The following XPO1 variants were observed in gnomAD, a reference collection of about 807,000 sequenced individuals.
XPO1 encodes exportin 1, also known as exportin-1.
A neutral mutation model predicts 133.3 loss-of-function variants in XPO1; 5 were observed. That is an observed-to-expected ratio of 0.04 (90% CI 0.02 to 0.08). The LOEUF (loss-of-function observed/expected upper bound fraction) is 0.08. Ranked by LOEUF, XPO1 falls within the 10% of genes least tolerant of loss-of-function variation. The pLI is 1.00. For missense variants in XPO1, 506 were observed against 1,267.5 expected (o/e 0.40, Z 9.12); for synonymous variants, 419 against 408.2 (o/e 1.03, Z -0.32).
intron 2 of XPO1, among the ~76,000 whole-genome samples, chr2:61,532,123 T>C (rs1244896260): frequency 6.6e-6 from 1 of 151,814 alleles, no homozygotes; most frequent in Non-Finnish European, 1.5e-5. Flanking sequence ...TTTATTTTAT[T>C]TTATTTATTT....
At chr2:61,485,183 T>A (rs1362180518) in intron 20 of XPO1, 1 of 152,038 alleles carries the variant, frequency 6.6e-6, no homozygotes, top group Non-Finnish European at 1.5e-5. Context: ...GCCAGCCTAT[T>A]TTCTCTTGTT....
rs140414949 is a variant in XPO1, at chr2:61,490,970, C to T, written c.1888-194G>A. Among the ~76,000 whole-genome samples the T allele has an allele frequency of 3.9e-3, 595 of 152,260 alleles. 5 individuals carry two copies. Among genetic ancestry groups the T allele is most frequent in the African/African-American group, 0.014 (564 of 41,546 alleles). ...AGGAGTTGCAGACCAGCCTGACCAA[C>T]GTGGTGAAACCCCATCTCTTCTACA... is the stretch of plus-strand genomic sequence containing the variant. On this transcript the variant is annotated intron_variant, in intron 16 of 24. Transcript: ENST00000401558.
intron 2 of XPO1, among the ~76,000 whole-genome samples, chr2:61,527,812 G>A (rs1013786487): frequency 6.6e-6 from 1 of 151,776 alleles, no homozygotes; most frequent in Non-Finnish European, 1.5e-5. Context: ...ACTAATCTAC[G>A]TAGTCATCAT....
In XPO1 at chr2:61,492,291, A is replaced by G; in HGVS notation, c.1723+34T>C. The G allele has an allele frequency of 1.3e-6, 2 of 1,582,094 alleles. No homozygotes were observed. The highest frequency in any genetic ancestry group is 2.3e-5 in the South Asian group (2 of 85,252). On this transcript the variant is annotated intron_variant, in intron 15 of 24. Coordinates refer to ENST00000401558, the MANE Select transcript of XPO1 (RefSeq NM_003400.4). This position sits in a 1 kb window ranked among gnomAD's most constrained non-coding sequence, Gnocchi z 5.6. ...CATTCATTTATTTTCTTCAATAAAA[A>G]TAAAAGCAAAATATAGTAAAGAAAG...
intron 20 of XPO1, 149 bp downstream of exon 20, chr2:61,485,619 A>C: frequency 2.6e-6 from 2 of 764,208 alleles, no homozygotes; most frequent in Non-Finnish European, 4.0e-6. Context: ...AGTTCTTGAA[A>C]ACCAAGAAAG....
At position 61,482,442 on chromosome 2, in the gene XPO1, G is replaced by A. The variant is rs778698128; in HGVS notation, c.2910C>T (p.Asn970=). Residue 970 remains asparagine, a synonymous_variant, in exon 23 of 25, where the codon AAC becomes AAT. Coordinates refer to ENST00000401558, the MANE Select transcript of XPO1 (RefSeq NM_003400.4). ...TSLNPGNPVN[N]QIFLQEYVAN... ...CCACATATTCCTGAAGAAAGATTTG[G>A]TTGTTAACTGGATTTCCAGGATTTA... 26 of 1,613,344 alleles carry A rather than the reference G, an allele frequency of 1.6e-5. No individual in the cohort carries two copies. The highest frequency in any genetic ancestry group is 2.1e-5 in the Non-Finnish European group (25 of 1,179,802).
intron 24 of XPO1, among the ~76,000 whole-genome samples, chr2:61,479,441 A>G (rs1696222421): frequency 7.2e-6 from 1 of 139,052 alleles, no homozygotes; most frequent in Middle Eastern, 3.7e-3. Flanking sequence ...GATAAAAGCG[A>G]GACTGTGCCC....
intron 4 of XPO1, among the ~76,000 whole-genome samples, chr2:61,510,669 A>C (rs1698045026): frequency 6.6e-6 from 1 of 152,128 alleles, no homozygotes; most frequent in African/African-American, 2.4e-5. Flanking sequence ...CGAGCACAGT[A>C]GCTCTTGACT....
At chr2:61,515,757 C>T (rs1230136216) in intron 4 of XPO1, among the ~76,000 whole-genome samples, 1 of 151,916 alleles carries the variant, frequency 6.6e-6, no homozygotes. Context: ...TGAAACTGTA[C>T]AACTCAGAAA....
intron 2 of XPO1, among the ~76,000 whole-genome samples, chr2:61,527,321 CAA>C (rs35556629): frequency 3.2e-5 from 3 of 92,630 alleles, no homozygotes; most frequent in African/African-American, 4.7e-5. Flanking sequence ...CATGACTCTC[CAA>C]AAAAAAAAAA....
intron 1 of XPO1, chr2:61,536,434 T>G (rs1156964929): frequency 6.6e-6 from 1 of 152,194 alleles, no homozygotes; most frequent in Non-Finnish European, 1.5e-5. Context: ...TAACATACAC[T>G]AGGGATTATC....
intron 4 of XPO1, among the ~76,000 whole-genome samples, chr2:61,516,389 G>A (rs1344797888): frequency 6.6e-6 from 1 of 151,240 alleles, no homozygotes; most frequent in African/African-American, 2.4e-5. Flanking sequence ...TCATAAATTC[G>A]CTTCTTCTCT....
chr2:61,506,042 T>G (rs1386618692), intron 4 of XPO1, among the ~76,000 whole-genome samples: 1 of 152,214 alleles, frequency 6.6e-6, no homozygotes, highest in Non-Finnish European at 1.5e-5. Context: ...AAGGATTATT[T>G]GATCAAGTAC....
At chr2:61,487,968 G>A (rs193031866) in intron 19 of XPO1, among the ~76,000 whole-genome samples, 197 bp downstream of exon 19, 2 of 152,236 alleles carry the variant, frequency 1.3e-5, no homozygotes, top group East Asian at 3.9e-4. Context: ...CTTCGCTACT[G>A]ATTAACAGCA....
intron 4 of XPO1, among the ~76,000 whole-genome samples, chr2:61,506,090 CAAATAAAT>C (rs565621930): frequency 2.0e-5 from 3 of 151,772 alleles, no homozygotes; most frequent in African/African-American, 4.8e-5. Flanking sequence ...CAAGGCTTGC[CAAATAAAT>C]AAATAAATAA....
chr2:61,490,361 G>C (rs1350973371), intron 17 of XPO1, among the ~76,000 whole-genome samples: 1 of 151,988 alleles, frequency 6.6e-6, no homozygotes, highest in Non-Finnish European at 1.5e-5. Context: ...ACCACGCCCA[G>C]CTAATTTTTG....
At chr2:61,516,461 C>T (rs1472288713) in intron 4 of XPO1, among the ~76,000 whole-genome samples, 1 of 152,054 alleles carries the variant, frequency 6.6e-6, no homozygotes, top group Non-Finnish European at 1.5e-5. Context: ...GGTGCCCAGG[C>T]CGTAGTGCAA....
Position 61,479,000 on chromosome 2 carries a change from TA to T in XPO1, c.3070-35del, listed in dbSNP as rs1389086407. ...ACAGATAGTTGAAATGTCAACGCAA[TA>T]AACTTCAACTTGCAAAGAAAGAAAT... On this transcript the variant is annotated intron_variant, in intron 24 of 24. Transcript: ENST00000401558. The T allele has an allele frequency of 2.5e-6, 4 of 1,594,230 alleles. No homozygotes were observed. In the African/African-American group the frequency reaches 5.4e-5, roughly 22 times the overall value.
intron 6 of XPO1, 87 bp downstream of exon 6, chr2:61,501,909 G>C: frequency 8.9e-7 from 1 of 1,126,162 alleles, no homozygotes; most frequent in Non-Finnish European, 1.3e-6. Flanking sequence ...CAAAATATTA[G>C]TATACTTTAT....
Sources: gnomAD v4.1 joint callset for allele counts (sites outside exome capture counted in the v4.1 genomes callset) on GRCh38, gnomAD v4.1.1 for gene constraint, Gnocchi (gnomAD v3.1) non-coding constraint, MANE v1.5 for transcripts, NCBI Gene and HGNC (gene_info 2026-07-23, HGNC 2026-07-21) for gene names.